The following XKR4 variants were observed in gnomAD, a reference collection of about 807,000 sequenced individuals.
The protein encoded by XKR4 is XK related 4.
A neutral mutation model predicts 53.9 loss-of-function variants in XKR4; 12 were observed. The ratio of observed to expected loss-of-function variants is 0.22; its 90% CI spans 0.14 to 0.36. The LOEUF (loss-of-function observed/expected upper bound fraction) is 0.36, where lower values mean the gene tolerates loss of function less well. Ranked by LOEUF, XKR4 falls within the 10% of genes least tolerant of loss-of-function variation. The pLI, the probability that XKR4 is intolerant of heterozygous loss-of-function variation, is 1.00. For missense variants in XKR4, 799 were observed against 859.5 expected (o/e 0.93, Z 0.88); for synonymous variants, 354 against 362.4 (o/e 0.98, Z 0.26).
At position 55,496,090 on chromosome 8, in the gene XKR4, G is replaced by A. The variant is rs150495356; in HGVS notation, c.1007-27191G>A. ...TGGCTGTTGCCAAGAGGGCTTTGAC[G>A]ATATGGTCTGTAAGGAAGTGGGACA... On this transcript the variant is annotated intron_variant, in intron 2 of 2. Transcript: ENST00000327381. Among the ~76,000 whole-genome samples, 424 of 152,324 alleles carry A rather than the reference G, an allele frequency of 2.8e-3. 1 individual carries two copies. Among genetic ancestry groups the A allele is most frequent in the African/African-American group, 9.5e-3 (397 of 41,584 alleles).
At chr8:55,401,152 T>C (rs1185251307) in intron 2 of XKR4, among the ~76,000 whole-genome samples, 2 of 152,204 alleles carry the variant, frequency 1.3e-5, no homozygotes, top group Non-Finnish European at 2.9e-5. Context: ...CTCCCCACTT[T>C]GGAACTGCAG....
chr8:55,165,521 C>T (rs968638682), intron 1 of XKR4, among the ~76,000 whole-genome samples: 2 of 152,096 alleles, frequency 1.3e-5, no homozygotes, highest in African/African-American at 4.8e-5. Flanking sequence ...AACTAATCCA[C>T]AAAACTCTCA....
At chr8:55,300,761 G>C (rs982145137) in intron 1 of XKR4, among the ~76,000 whole-genome samples, 8 of 152,154 alleles carry the variant, frequency 5.3e-5, no homozygotes, top group African/African-American at 1.9e-4. Context: ...CAAGACAAGA[G>C]TCAGGCAGGA....
intron 2 of XKR4, among the ~76,000 whole-genome samples, chr8:55,471,708 C>T (rs890123599): frequency 2.0e-5 from 3 of 152,090 alleles, no homozygotes; most frequent in African/African-American, 4.8e-5. Context: ...GATCATGGGG[C>T]AGATCCCTCA....
At position 55,537,542 on chromosome 8, in the gene XKR4, G is replaced by T. The variant is rs539869395; in HGVS notation, c.*13315G>T. 6.6e-6 allele frequency: 1 copy of T among 152,330 alleles called. No individual in the cohort carries two copies. The highest frequency in any genetic ancestry group is 6.5e-5 in the Admixed American group (1 of 15,306). The allele number at this position is 152,330 out of a possible 1,614,324, so 9.4% of individuals were successfully genotyped here. ...ACCGTGAGCAGGCACACAGAGTACG[G>T]AAAGGTATTCAACTATGCAAAGATA... On this transcript the variant is annotated 3_prime_UTR_variant, in exon 3 of 3. Coordinates refer to ENST00000327381, the MANE Select transcript of XKR4 (RefSeq NM_052898.2).
At chr8:55,314,757 C>T (rs12375346) in intron 1 of XKR4, among the ~76,000 whole-genome samples, 36,677 of 152,064 alleles carry the variant, frequency 0.24, 4,792 homozygotes, top group East Asian at 0.48. Flanking sequence ...CCCACCTCCC[C>T]GACCTAACTC....
rs924290127 is a variant in XKR4, at chr8:55,527,852, C to T, written c.*3625C>T. The T allele has an allele frequency of 1.3e-5, 2 of 152,102 alleles. No individual in the cohort carries two copies. Among genetic ancestry groups the T allele is most frequent in the Admixed American group, 1.3e-4 (2 of 15,274 alleles). The allele number at this position is 152,102 out of a possible 1,614,324, so 9.4% of individuals were successfully genotyped here. On this transcript the variant is annotated 3_prime_UTR_variant, in exon 3 of 3. Transcript: ENST00000327381. ...TTCTAAATGCCCAATTTATTTTGCTCTATGAGTAAAGGAAGTGATTGCACA... is the reference window on the plus strand; with the variant it reads ...TTCTAAATGCCCAATTTATTTTGCTTTATGAGTAAAGGAAGTGATTGCACA...
At chr8:55,292,645 C>G (rs983917718) in intron 1 of XKR4, among the ~76,000 whole-genome samples, 2 of 151,994 alleles carry the variant, frequency 1.3e-5, no homozygotes, top group Non-Finnish European at 2.9e-5. Context: ...GATTTCTGCT[C>G]TAATCTTTAT....
intron 2 of XKR4, among the ~76,000 whole-genome samples, chr8:55,442,587 T>C (rs928232329): frequency 1.3e-5 from 2 of 152,206 alleles, no homozygotes; most frequent in Non-Finnish European, 2.9e-5. Context: ...CATCTGTGGA[T>C]TGATGAGTGA....
chr8:55,416,812 G>T (rs373841472), intron 2 of XKR4, among the ~76,000 whole-genome samples: 32 of 152,100 alleles, frequency 2.1e-4, no homozygotes, highest in African/African-American at 7.5e-4. Context: ...AATTTAAGCC[G>T]TATGCCCAAG....
At chr8:55,222,081 G>C (rs546558629) in intron 1 of XKR4, among the ~76,000 whole-genome samples, 4 of 152,114 alleles carry the variant, frequency 2.6e-5, no homozygotes, top group African/African-American at 9.7e-5. Flanking sequence ...CTGAGATGTG[G>C]GTGCATCCTC....
intron 1 of XKR4, among the ~76,000 whole-genome samples, chr8:55,336,103 G>T (rs1003198303): frequency 1.1e-4 from 16 of 150,608 alleles, no homozygotes; most frequent in Admixed American, 8.6e-4. Flanking sequence ...GATATGGTTT[G>T]GCTGTGTCTC....
chr8:55,391,434 AAAAG>A (rs1804441102), intron 2 of XKR4, among the ~76,000 whole-genome samples: 1 of 152,242 alleles, frequency 6.6e-6, no homozygotes, highest in Non-Finnish European at 1.5e-5. Flanking sequence ...GTTTAAAAAG[AAAAG>A]AAAAAGAGAA....
At position 55,103,033 on chromosome 8, in the gene XKR4, C is replaced by A. The variant is rs1816075491; in HGVS notation, c.545C>A (p.Ala182Asp). 6.2e-7 allele frequency: 1 copy of A among 1,612,492 alleles called. No individual in the cohort carries two copies. The highest frequency in any genetic ancestry group is 1.3e-5 in the African/African-American group (1 of 74,942). ...STEDSATAAA[A>D]SSCPQPGADC... Reference sequence around the variant, plus strand: ...GAGGACAGCGCCACGGCCGCTGCTGCCTCCAGCTGCCCGCAGCCTGGAGCC... The same window carrying A: ...GAGGACAGCGCCACGGCCGCTGCTGACTCCAGCTGCCCGCAGCCTGGAGCC... Residue 182 changes from alanine (A) to aspartate (D), a missense_variant, in exon 1 of 3, where the codon GCC (alanine) becomes GAC (aspartate). Transcript: ENST00000327381.
intron 2 of XKR4, among the ~76,000 whole-genome samples, chr8:55,396,561 C>CCCAGA: frequency 6.6e-6 from 1 of 152,002 alleles, no homozygotes; most frequent in Non-Finnish European, 1.5e-5. Context: ...AAGAAAGGAC[C>CCCAGA]TGAAGAAAAG....
chr8:55,186,761 A>T (rs1006884986), intron 1 of XKR4, among the ~76,000 whole-genome samples: 39 of 152,070 alleles, frequency 2.6e-4, no homozygotes, highest in African/African-American at 8.2e-4. Flanking sequence ...TTTTTTCCAC[A>T]CTCAGATGTG....
At chr8:55,392,660 G>T (rs781207234) in intron 2 of XKR4, among the ~76,000 whole-genome samples, 1 of 151,984 alleles carries the variant, frequency 6.6e-6, no homozygotes, top group Admixed American at 6.6e-5. Flanking sequence ...GTGTGGTGGC[G>T]CATGCCTATA....
chr8:55,514,499 C>T lies in XKR4; in HGVS notation c.1007-8782C>T, dbSNP rs528924108. On this transcript the variant is annotated intron_variant, in intron 2 of 2. Coordinates refer to ENST00000327381, the MANE Select transcript of XKR4 (RefSeq NM_052898.2). ...CTCGAACTCCTGACCTCAAGTGATCCGCCCGCCTCGGCCTCCCAAAGCATG... is the reference window on the plus strand; with the variant it reads ...CTCGAACTCCTGACCTCAAGTGATCTGCCCGCCTCGGCCTCCCAAAGCATG... 1.3e-3 allele frequency among the ~76,000 whole-genome samples: 204 copies of T among 152,066 alleles called. 1 individual carries two copies. The highest frequency in any genetic ancestry group is 4.3e-3 in the Admixed American group (65 of 15,290).
At chr8:55,406,163 A>G (rs2129390547) in intron 2 of XKR4, among the ~76,000 whole-genome samples, 1 of 152,328 alleles carries the variant, frequency 6.6e-6, no homozygotes, top group African/African-American at 2.4e-5. Flanking sequence ...AAATTTATTT[A>G]ATTAATATGA....
Sources: gnomAD v4.1 joint callset for allele counts (sites outside exome capture counted in the v4.1 genomes callset) on GRCh38, gnomAD v4.1.1 for gene constraint, MANE v1.5 for transcripts, NCBI Gene and HGNC (gene_info 2026-07-23, HGNC 2026-07-21) for gene names.